The following SLC25A28 variants were observed in gnomAD, a reference collection of about 807,000 sequenced individuals.
SLC25A28 encodes mitoferrin-2.
SLC25A28 carries 10 observed loss-of-function variants against 31.9 expected under a neutral mutation model. That is an observed-to-expected ratio of 0.31 (90% CI 0.19 to 0.53). The LOEUF (loss-of-function observed/expected upper bound fraction) is 0.53, where lower values mean the gene tolerates loss of function less well. SLC25A28 is among the 20% of genes least tolerant of loss of function. The pLI is 0.95. For synonymous variants in SLC25A28, 208 were observed against 203.6 expected (o/e 1.02, Z -0.19); for missense variants, 256 against 490.3 (o/e 0.52, Z 4.51).
At chr10:99,622,971 A>G (rs141197969), upstream of SLC25A28, among the ~76,000 whole-genome samples, 81 of 152,296 alleles carry the variant, frequency 5.3e-4, no homozygotes, top group African/African-American at 1.9e-3. Context: ...GGACAGAGAA[A>G]AATACACACA....
chr10:99,631,723 A>G, the SLC25A28 span, among the ~76,000 whole-genome samples: 1 of 152,072 alleles, frequency 6.6e-6, no homozygotes, highest in African/African-American at 2.4e-5. Context: ...ACTTGACCTA[A>G]GCTTCACTTT....
chr10:99,653,614 T>G, the SLC25A28 span, among the ~76,000 whole-genome samples: 1 of 152,374 alleles, frequency 6.6e-6, no homozygotes, highest in South Asian at 2.1e-4. Flanking sequence ...TGGGCCGTTT[T>G]CTTCCGTCTT....
the SLC25A28 span, among the ~76,000 whole-genome samples, chr10:99,639,483 A>T: frequency 3.3e-5 from 5 of 152,022 alleles, 1 homozygote; most frequent in African/African-American, 1.2e-4. Context: ...CCTATGGAAA[A>T]TTTTTTAAAA....
chr10:99,616,388 AT>A, intron 1 of SLC25A28: 1 of 869,214 alleles, frequency 1.2e-6, no homozygotes, highest in Non-Finnish European at 1.4e-6. Context: ...GAGATAAGAT[AT>A]GTAAAAGCCA....
chr10:99,615,629 C>T, intron 1 of SLC25A28: 1 of 985,440 alleles, frequency 1.0e-6, no homozygotes, highest in Non-Finnish European at 1.2e-6. Context: ...CTTCCCCCCA[C>T]AAAACCTCAT....
At chr10:99,653,390 A>C in the SLC25A28 span, among the ~76,000 whole-genome samples, 3 of 152,210 alleles carry the variant, frequency 2.0e-5, no homozygotes, top group African/African-American at 7.2e-5. Context: ...CATCTTGGAA[A>C]GATATCTCCT....
chr10:99,635,820 A>G, the SLC25A28 span, among the ~76,000 whole-genome samples: 1 of 152,238 alleles, frequency 6.6e-6, no homozygotes, highest in African/African-American at 2.4e-5. Context: ...AGGGGCAGCT[A>G]TTCTTATATC....
At chr10:99,632,175 C>T in the SLC25A28 span, among the ~76,000 whole-genome samples, 1 of 151,952 alleles carries the variant, frequency 6.6e-6, no homozygotes, top group South Asian at 2.1e-4. Context: ...GGATTACAGG[C>T]GTGAGCCACC....
At chr10:99,619,444 G>A (rs1263340980) in intron 1 of SLC25A28, 1 of 982,328 alleles carries the variant, frequency 1.0e-6, no homozygotes, top group Non-Finnish European at 1.2e-6. Context: ...CAGAGAAACT[G>A]AAACCTATTC....
upstream of SLC25A28, chr10:99,621,672 G>C (rs1278961620): frequency 6.6e-6 from 1 of 152,366 alleles, no homozygotes; most frequent in Non-Finnish European, 1.5e-5. Context: ...CGAGCGTGTT[G>C]GCACAAGCTG....
the SLC25A28 span, among the ~76,000 whole-genome samples, chr10:99,642,685 T>A: frequency 6.6e-5 from 10 of 152,304 alleles, 1 homozygote; most frequent in South Asian, 2.1e-3. Context: ...CCATTCAGTA[T>A]GATATTGGCT....
chr10:99,637,842 G>T, the SLC25A28 span, among the ~76,000 whole-genome samples: 1 of 152,178 alleles, frequency 6.6e-6, no homozygotes, highest in Non-Finnish European at 1.5e-5. Flanking sequence ...TGGATGGGTA[G>T]AATCAATATT....
chr10:99,613,419 G>A lies in SLC25A28; in HGVS notation c.520+277C>T, dbSNP rs186915807. 1.1e-5 allele frequency: 14 copies of A among 1,328,576 alleles called. No individual in the cohort carries two copies. In the East Asian group the frequency reaches 3.7e-4, roughly 35 times the overall value. 82.3% of individuals were successfully genotyped at this position (1,328,576 alleles called of 1,614,324 possible). On this transcript the variant is annotated intron_variant, in intron 2 of 3. Coordinates refer to ENST00000370495, the MANE Select transcript of SLC25A28 (RefSeq NM_031212.4). This position sits in a 1 kb window ranked among gnomAD's most constrained non-coding sequence, Gnocchi z 4.9. Reference sequence around the variant, plus strand: ...GTTCAGTGTGTCTCCACATTACCAGGGCATTAGAAGTTGATGCCAGGGAGA... The same window carrying A: ...GTTCAGTGTGTCTCCACATTACCAGAGCATTAGAAGTTGATGCCAGGGAGA...
At chr10:99,642,067 T>C in the SLC25A28 span, among the ~76,000 whole-genome samples, 1 of 151,970 alleles carries the variant, frequency 6.6e-6, no homozygotes, top group Non-Finnish European at 1.5e-5. Context: ...TTTGGTTCCA[T>C]ATGAACTTTA....
At chr10:99,620,449 G>A (rs1362518713), upstream of SLC25A28, 2 of 1,045,130 alleles carry the variant, frequency 1.9e-6, no homozygotes, top group East Asian at 1.6e-4. Flanking sequence ...CGGGGCCTCC[G>A]GCTCCCGCTT....
the SLC25A28 span, among the ~76,000 whole-genome samples, chr10:99,638,229 G>C: frequency 6.6e-6 from 1 of 151,916 alleles, no homozygotes; most frequent in Non-Finnish European, 1.5e-5. Context: ...GGTAATAATT[G>C]GCTAGCCACA....
At chr10:99,642,626 G>A in the SLC25A28 span, among the ~76,000 whole-genome samples, 2 of 152,126 alleles carry the variant, frequency 1.3e-5, no homozygotes, top group Non-Finnish European at 2.9e-5. Context: ...GTGAGAGAGG[G>A]CATCCCTGTC....
At chr10:99,658,768 C>G in the SLC25A28 span, among the ~76,000 whole-genome samples, 1 of 152,086 alleles carries the variant, frequency 6.6e-6, no homozygotes, top group African/African-American at 2.4e-5. Flanking sequence ...GACTTTATGC[C>G]GTCCTCCTGG....
intron 2 of SLC25A28, among the ~76,000 whole-genome samples, chr10:99,612,973 A>C (rs945350378): frequency 1.3e-5 from 2 of 152,176 alleles, no homozygotes; most frequent in Admixed American, 6.5e-5. Context: ...CCAGGTGGTC[A>C]GATCTCACAG....
Sources: allele counts gnomAD v4.1 joint callset (sites outside exome capture counted in the v4.1 genomes callset), GRCh38; gene constraint gnomAD v4.1.1; non-coding constraint Gnocchi (gnomAD v3.1); transcripts MANE v1.5; gene names NCBI Gene and HGNC (gene_info 2026-07-23, HGNC 2026-07-21).